The following CNNM1 variants were observed in gnomAD, a reference collection of about 807,000 sequenced individuals.
CNNM1 encodes the protein cyclin and CBS domain divalent metal cation transport mediator 1, also known as metal transporter CNNM1.
In CNNM1, 44 loss-of-function variants were observed where a neutral mutation model predicts 78.8. That is an observed-to-expected ratio of 0.56 (90% CI 0.44 to 0.72). CNNM1 has a LOEUF of 0.72. Among genes scored for constraint, CNNM1 ranks in the 30% least tolerant of loss-of-function variants. The probability of loss-of-function intolerance (pLI) is 0.00; values close to 1 mark genes in which losing one functional copy is unlikely to be tolerated. For synonymous variants in CNNM1, 584 were observed against 581.5 expected, an observed-to-expected ratio of 1.00 and a Z score of -0.06; for missense variants, 1,101 against 1,292.2, an observed-to-expected ratio of 0.85 and a Z score of 2.27.
rs1181377266 is a variant in CNNM1 at position 99,329,454 on chromosome 10, G to T, written c.67G>T (p.Ala23Ser). The part of the protein sequence containing the change: ...VRLRDCCSRG[A>S]VLLLFFSLSP... ...GCTCCGGGACTGCTGCAGCCGAGGC[G>T]CTGTGCTCCTGCTCTTCTTTTCCCT... Residue 23 changes from alanine to serine, a missense_variant, in exon 1 of 11, where the codon GCT (alanine) becomes TCT (serine). Transcript: ENST00000356713. The T allele has an allele frequency of 1.5e-6, 2 of 1,370,952 alleles. No individual in the cohort carries two copies. Among genetic ancestry groups the T allele is most frequent in the African/African-American group, 1.5e-5 (1 of 66,310 alleles). The allele number at this position is 1,370,952 out of a possible 1,614,324, so 84.9% of individuals were successfully genotyped here.
intron 3 of CNNM1, among the ~76,000 whole-genome samples, chr10:99,361,286 C>T (rs1188570690): frequency 6.6e-6 from 1 of 152,240 alleles, no homozygotes; most frequent in Non-Finnish European, 1.5e-5. Context: ...AGGCCATCTC[C>T]CTGTCTGTTA....
intron 6 of CNNM1, chr10:99,368,406 A>G (rs2031691862): frequency 3.5e-5 from 12 of 339,668 alleles, no homozygotes; most frequent in South Asian, 2.8e-4. Flanking sequence ...CTTCAGCAAA[A>G]TCCATTTTAT....
At chr10:99,338,131 A>G (rs1376574021) in intron 1 of CNNM1, among the ~76,000 whole-genome samples, 2 of 152,180 alleles carry the variant, frequency 1.3e-5, no homozygotes, top group Non-Finnish European at 2.9e-5. Context: ...CACCTTTCCC[A>G]TGACTTCCAG....
chr10:99,356,564 G>GAAAGAAAGAAAGA (rs1554940027), intron 1 of CNNM1, among the ~76,000 whole-genome samples: 2 of 98,184 alleles, frequency 2.0e-5, no homozygotes, highest in Non-Finnish European at 4.2e-5. Context: ...CAGACAGACA[G>GAAAGAAAGAAAGA]AAAGAAAGAA....
At chr10:99,368,715 T>C in intron 6 of CNNM1, 1 of 1,280,352 alleles carries the variant, frequency 7.8e-7, no homozygotes. Flanking sequence ...TCTCTGTAGA[T>C]CCAGAGGGGT....
Position 99,330,520 on chromosome 10 carries a change from G to A in CNNM1, c.1133G>A (p.Arg378His). Residue 378 changes from arginine (R) to histidine (H), a missense_variant, in exon 1 of 11, where the codon CGC (arginine) becomes CAC (histidine). Arg to His is a conservative substitution (Grantham distance 29, BLOSUM62 0). Around this residue, in one of 3 missense-constraint regions of CNNM1, gnomAD observed 277 missense variants for 423.2 expected, o/e 0.65. Transcript: ENST00000356713. The part of the protein sequence containing the change: ...AAFPVCYPLG[R>H]LLDWALRQEI... ...TTCCCCGTGTGCTACCCGCTGGGCC[G>A]CCTGCTGGACTGGGCGCTGCGCCAG... 6.3e-7 allele frequency: 1 copy of A among 1,588,852 alleles called. No individual in the cohort carries two copies. Among genetic ancestry groups the A allele is most frequent in the African/African-American group, 1.3e-5 (1 of 74,490 alleles).
intron 7 of CNNM1, among the ~76,000 whole-genome samples, chr10:99,383,707 G>A (rs1390654976): frequency 6.6e-6 from 1 of 152,198 alleles, no homozygotes; most frequent in African/African-American, 2.4e-5. Context: ...TCGAGGGACT[G>A]GGTAGAGAGA....
chr10:99,349,001 C>A (rs1020379416), intron 1 of CNNM1, among the ~76,000 whole-genome samples: 1 of 152,110 alleles, frequency 6.6e-6, no homozygotes, highest in African/African-American at 2.4e-5. Flanking sequence ...GCCTGGGAGG[C>A]GGAGGTTGCA....
chr10:99,391,006 C>T (rs1187417424), intron 10 of CNNM1, among the ~76,000 whole-genome samples: 1 of 152,258 alleles, frequency 6.6e-6, no homozygotes, highest in East Asian at 1.9e-4. Flanking sequence ...AGCTAGAGAA[C>T]GCAGGTCCCT....
intron 1 of CNNM1, among the ~76,000 whole-genome samples, chr10:99,331,528 C>G (rs1468537172): frequency 6.6e-6 from 1 of 152,174 alleles, no homozygotes; most frequent in Non-Finnish European, 1.5e-5. Flanking sequence ...ACGTTCTTCC[C>G]CATACTTAAT....
chr10:99,361,297 G>A (rs985220914), intron 3 of CNNM1, among the ~76,000 whole-genome samples: 3 of 152,156 alleles, frequency 2.0e-5, no homozygotes, highest in African/African-American at 7.2e-5. Context: ...CTGTCTGTTA[G>A]ACTTGCAGTG....
chr10:99,381,697 G>T (rs1196383173), intron 7 of CNNM1, among the ~76,000 whole-genome samples: 1 of 151,064 alleles, frequency 6.6e-6, no homozygotes, highest in South Asian at 2.1e-4. Flanking sequence ...AGCCGAGATC[G>T]GCGCCACTGC....
At chr10:99,364,872 G>T in intron 5 of CNNM1, 83 bp from the exon 6 acceptor site, 1 of 1,304,060 alleles carries the variant, frequency 7.7e-7, no homozygotes. Context: ...TTGGTGCTGG[G>T]GGTGGATAGA....
chr10:99,330,818 C>T lies in CNNM1; in HGVS notation c.1431C>T (p.Asp477=). 1.2e-6 allele frequency: 2 copies of T among 1,614,170 alleles called. No homozygotes were observed. Among genetic ancestry groups the T allele is most frequent in the Non-Finnish European group, 1.7e-6 (2 of 1,180,034 alleles). The stretch of plus-strand genomic sequence containing the variant: ...GTGACCAGCGGCACAACATTGTGGA[C>T]ATTTTATTTGTCAAGGACTTGGCCT... The part of the protein sequence containing the change: ...YEGDQRHNIV[D]ILFVKDLAFV... The change falls in exon 1 of 11, where the codon GAC becomes GAT. Residue 477 remains aspartate, a synonymous_variant. Coordinates refer to ENST00000356713, the MANE Select transcript of CNNM1 (RefSeq NM_020348.3).
chr10:99,366,552 G>C (rs1238320765), intron 6 of CNNM1, among the ~76,000 whole-genome samples: 1 of 152,132 alleles, frequency 6.6e-6, no homozygotes, highest in Non-Finnish European at 1.5e-5. Context: ...GGGAGGCCAG[G>C]ACGGGTGGAT....
intron 7 of CNNM1, among the ~76,000 whole-genome samples, chr10:99,377,644 T>C (rs2032017841): frequency 6.6e-6 from 1 of 152,240 alleles, no homozygotes; most frequent in South Asian, 2.1e-4. Flanking sequence ...ATGCTATACA[T>C]CTGCCTGTCT....
chr10:99,354,272 G>A (rs1451234806), intron 1 of CNNM1, among the ~76,000 whole-genome samples: 2 of 152,172 alleles, frequency 1.3e-5, no homozygotes, highest in Non-Finnish European at 2.9e-5. Context: ...AAGCTACAAA[G>A]TACTTTGGCC....
chr10:99,333,572 C>T (rs992567936), intron 1 of CNNM1, among the ~76,000 whole-genome samples: 14 of 152,020 alleles, frequency 9.2e-5, no homozygotes, highest in African/African-American at 2.4e-4. Flanking sequence ...CTCGAACTCC[C>T]GACCTCAGGT....
intron 1 of CNNM1, among the ~76,000 whole-genome samples, chr10:99,331,958 A>G (rs940380394): frequency 5.9e-5 from 9 of 152,172 alleles, no homozygotes; most frequent in African/African-American, 1.9e-4. Context: ...TGCTTATAAC[A>G]TGTTTACTTC....
Sources: allele counts gnomAD v4.1 joint callset (sites outside exome capture counted in the v4.1 genomes callset), GRCh38; gene constraint gnomAD v4.1.1; regional missense constraint gnomAD v4.1.1; transcripts MANE v1.5; gene names NCBI Gene and HGNC (gene_info 2026-07-23, HGNC 2026-07-21).